SEPTIN9: variants seen among roughly 807,000 people sequenced by gnomAD.
SEPTIN9 encodes septin 9, also known as septin-9.
Under a neutral mutation model 56.6 loss-of-function variants are expected in SEPTIN9, and 13 were observed. The observed-to-expected ratio is 0.23, with a 90% CI of 0.15 to 0.37. The LOEUF (loss-of-function observed/expected upper bound fraction) is 0.37. Among genes scored for constraint, SEPTIN9 ranks in the 10% least tolerant of loss-of-function variants. SEPTIN9 has a pLI of 1.00. For missense variants in SEPTIN9, 650 were observed against 823.1 expected (o/e 0.79, Z 2.57); for synonymous variants, 332 against 334.1 (o/e 0.99, Z 0.07).
Position 77,492,925 on chromosome 17 carries a change from G to A in SEPTIN9, c.1477-55G>A. 3 of 1,495,932 alleles carry A rather than the reference G, an allele frequency of 2.0e-6. No individual in the cohort carries two copies. Among genetic ancestry groups the A allele is most frequent in the Non-Finnish European group, 2.7e-6 (3 of 1,094,868 alleles). The allele number at this position is 1,495,932 out of a possible 1,614,324, so 92.7% of individuals were successfully genotyped here. A position where few individuals can be genotyped will look rare whatever the true frequency, so the allele number is the denominator to read the frequency against. ...GGGCAGCTCCTCCCGGGGGCCCAGG[G>A]GAGGGAATTGCCTTCCCGCACATGT... On this transcript the variant is annotated intron_variant, in intron 9 of 11. Coordinates refer to ENST00000427177, the MANE Select transcript of SEPTIN9 (RefSeq NM_001113491.2). The surrounding 1 kb of genome is among the most constrained non-coding windows in gnomAD (Gnocchi z 5.4).
chr17:77,342,822 A>G (rs962813299), intron 2 of SEPTIN9, among the ~76,000 whole-genome samples: 1 of 152,064 alleles, frequency 6.6e-6, no homozygotes, highest in African/African-American at 2.4e-5. Flanking sequence ...AAAATACAAA[A>G]AATTATCCTG....
At chr17:77,281,592 C>T (rs1284790975) in intron 1 of SEPTIN9, 38 bp downstream of exon 1, 1 of 1,529,742 alleles carries the variant, frequency 6.5e-7, no homozygotes, top group Non-Finnish European at 8.8e-7. Context: ...GGTCGGTGTC[C>T]CGGGACCAGC....
In SEPTIN9 at chr17:77,310,065, G is replaced by A. The variant is rs1598501202; in HGVS notation, c.76+2868G>A. Reference sequence around the variant, plus strand: ...ACCATCTCGGCTCACTGCAACCTCTGCCTCCTGGGTTCAAGCGATTCTTCT... The same window carrying A: ...ACCATCTCGGCTCACTGCAACCTCTACCTCCTGGGTTCAAGCGATTCTTCT... On this transcript the variant is annotated intron_variant, in intron 2 of 11. Transcript: ENST00000427177. The surrounding 1 kb of genome is among the most constrained non-coding windows in gnomAD (Gnocchi z 4.7). 1.3e-5 allele frequency among the ~76,000 whole-genome samples: 2 copies of A among 151,668 alleles called. No individual in the cohort carries two copies. The highest frequency in any genetic ancestry group is 4.8e-5 in the African/African-American group (2 of 41,246).
chr17:77,423,466 G>A (rs2036778165), intron 3 of SEPTIN9, among the ~76,000 whole-genome samples: 1 of 152,248 alleles, frequency 6.6e-6, no homozygotes, highest in South Asian at 2.1e-4. Flanking sequence ...TGGAGGCAGC[G>A]TTTCTGACCC....
At chr17:77,438,134 C>T (rs986080430) in intron 3 of SEPTIN9, among the ~76,000 whole-genome samples, 3 of 152,190 alleles carry the variant, frequency 2.0e-5, no homozygotes, top group Non-Finnish European at 4.4e-5. Context: ...TTTGGAGAAG[C>T]CGTTGGGCCG....
At chr17:77,442,662 C>T (rs910192863) in intron 3 of SEPTIN9, among the ~76,000 whole-genome samples, 17 of 151,522 alleles carry the variant, frequency 1.1e-4, no homozygotes, top group African/African-American at 3.4e-4. Context: ...CACCTGAGGT[C>T]GGGAATTCAA....
At chr17:77,495,086 C>T (rs770934642) in intron 10 of SEPTIN9, among the ~76,000 whole-genome samples, 16 of 152,172 alleles carry the variant, frequency 1.1e-4, no homozygotes, top group Admixed American at 3.3e-4. Context: ...TGGGACGGGC[C>T]GGCGGCTTTG....
intron 4 of SEPTIN9, among the ~76,000 whole-genome samples, chr17:77,484,875 T>C (rs1373517017): frequency 1.5e-5 from 2 of 134,746 alleles, no homozygotes; most frequent in Non-Finnish European, 3.1e-5. Flanking sequence ...GTGATTGTGA[T>C]GGTTGTGATT....
At chr17:77,491,478 A>G (rs1252993076) in intron 8 of SEPTIN9, among the ~76,000 whole-genome samples, 1 of 151,158 alleles carries the variant, frequency 6.6e-6, no homozygotes, top group African/African-American at 2.4e-5. Flanking sequence ...GGTTACAGGC[A>G]TGAGCCACCT....
chr17:77,296,444 C>T (rs1443621732), intron 1 of SEPTIN9, among the ~76,000 whole-genome samples: 1 of 151,628 alleles, frequency 6.6e-6, no homozygotes, highest in Non-Finnish European at 1.5e-5. Flanking sequence ...GACAAGCAGA[C>T]AGAGAGATAG....
intron 2 of SEPTIN9, among the ~76,000 whole-genome samples, chr17:77,361,208 G>C (rs993603885): frequency 1.3e-5 from 2 of 152,216 alleles, no homozygotes; most frequent in African/African-American, 4.8e-5. Flanking sequence ...ACAGGCGTGA[G>C]CCACCGCACT....
chr17:77,422,860 C>G (rs2036755039), intron 3 of SEPTIN9, among the ~76,000 whole-genome samples: 1 of 152,194 alleles, frequency 6.6e-6, no homozygotes, highest in South Asian at 2.1e-4. Context: ...CTCTGCTTGT[C>G]TAGCAGCCTC....
chr17:77,288,746 C>T (rs2031391355), intron 1 of SEPTIN9, among the ~76,000 whole-genome samples: 1 of 152,172 alleles, frequency 6.6e-6, no homozygotes, highest in Non-Finnish European at 1.5e-5. Context: ...TCTGCAAAAC[C>T]CACTAATAAC....
chr17:77,418,090 G>A (rs1055638926), intron 3 of SEPTIN9, among the ~76,000 whole-genome samples: 4 of 152,176 alleles, frequency 2.6e-5, no homozygotes, highest in Admixed American at 6.5e-5. Context: ...CACACGTTGC[G>A]GCACCTTACA....
intron 3 of SEPTIN9, among the ~76,000 whole-genome samples, chr17:77,432,436 G>A (rs1005910692): frequency 7.2e-5 from 11 of 152,200 alleles, no homozygotes; most frequent in Non-Finnish European, 1.5e-5. Flanking sequence ...CATGGCCGAG[G>A]CCCCGTCTGT....
chr17:77,406,008 G>A (rs528208529), intron 3 of SEPTIN9, among the ~76,000 whole-genome samples: 1 of 152,336 alleles, frequency 6.6e-6, no homozygotes, highest in African/African-American at 2.4e-5. Context: ...CAGACGCCCA[G>A]CCCCTTGGCT....
intron 3 of SEPTIN9, among the ~76,000 whole-genome samples, chr17:77,478,015 G>A (rs928239090): frequency 2.0e-5 from 3 of 152,026 alleles, no homozygotes; most frequent in South Asian, 2.1e-4. Flanking sequence ...CGGTCTTTGG[G>A]GGGGGTCACA....
At chr17:77,405,000 C>A in intron 3 of SEPTIN9, 2 of 1,322,210 alleles carry the variant, frequency 1.5e-6, no homozygotes, top group Non-Finnish European at 2.1e-6. Context: ...GCCGGATACA[C>A]CCCCATCCTG....
chr17:77,414,572 CTTTTTTT>C (rs559525322), intron 3 of SEPTIN9, among the ~76,000 whole-genome samples: 38 of 123,824 alleles, frequency 3.1e-4, no homozygotes, highest in African/African-American at 5.3e-4. Flanking sequence ...TGTGTGGATT[CTTTTTTT>C]TTTTTTTTTT....
Sources: gnomAD v4.1 joint callset for allele counts (sites outside exome capture counted in the v4.1 genomes callset) on GRCh38, gnomAD v4.1.1 for gene constraint, Gnocchi (gnomAD v3.1) non-coding constraint, MANE v1.5 for transcripts, NCBI Gene and HGNC (gene_info 2026-07-23, HGNC 2026-07-21) for gene names.